Variants in GRHL2 observed in about 807,000 individuals in gnomAD.
GRHL2 encodes grainyhead-like protein 2 homolog.
Under a neutral mutation model 83.8 loss-of-function variants are expected in GRHL2, and 21 were observed. The observed-to-expected ratio is 0.25, with a 90% CI of 0.18 to 0.36. GRHL2 has a LOEUF of 0.36. Among genes scored for constraint, GRHL2 ranks in the 10% least tolerant of loss-of-function variants. GRHL2 has a pLI of 1.00. For missense variants in GRHL2, 623 were observed against 781.8 expected, an observed-to-expected ratio of 0.80 and a Z score of 2.42; for synonymous variants, 280 against 278.9, an observed-to-expected ratio of 1.00 and a Z score of -0.04.
At chr8:101,542,779 G>A (rs1811181354) in intron 1 of GRHL2, 1 of 456,540 alleles carries the variant, frequency 2.2e-6, no homozygotes, top group Admixed American at 2.4e-5. Flanking sequence ...ATCATCTTAT[G>A]GGGAAAGATG....
intron 6 of GRHL2, 41 bp from the exon 7 acceptor site, chr8:101,577,367 C>A: frequency 1.6e-6 from 2 of 1,235,986 alleles, no homozygotes; most frequent in South Asian, 1.2e-5. Flanking sequence ...GCAACAGAGG[C>A]ACTGAACAAA....
chr8:101,602,992 T>C (rs566223215), intron 8 of GRHL2, among the ~76,000 whole-genome samples: 2 of 152,338 alleles, frequency 1.3e-5, no homozygotes, highest in South Asian at 4.1e-4. Flanking sequence ...CACTGATTTG[T>C]GTCCCCACTG....
intron 14 of GRHL2, among the ~76,000 whole-genome samples, chr8:101,655,166 G>A (rs965895872): frequency 7.1e-6 from 1 of 141,480 alleles, no homozygotes; most frequent in Non-Finnish European, 1.5e-5. Context: ...TGGGCAACAA[G>A]AGCGAAACTC....
chr8:101,543,692 T>G, intron 2 of GRHL2: 1 of 500,786 alleles, frequency 2.0e-6, no homozygotes, highest in Non-Finnish European at 3.7e-6. Context: ...ATAAATATTA[T>G]TTGCATATTA....
chr8:101,555,793 T>G (rs946044020), intron 3 of GRHL2, among the ~76,000 whole-genome samples: 3 of 152,232 alleles, frequency 2.0e-5, no homozygotes, highest in African/African-American at 7.2e-5. Context: ...ATTTTTCTAT[T>G]TGCTGTGTTC....
intron 11 of GRHL2, chr8:101,636,691 T>C (rs991048708): frequency 3.4e-6 from 2 of 584,050 alleles, no homozygotes; most frequent in African/African-American, 3.7e-5. Flanking sequence ...CCATGGAGAT[T>C]ATAAGGAACT....
chr8:101,653,773 C>A (rs1198303313), intron 14 of GRHL2, among the ~76,000 whole-genome samples: 2 of 151,970 alleles, frequency 1.3e-5, no homozygotes, highest in African/African-American at 4.8e-5. Context: ...AGATGCCATC[C>A]CAGAACCCCA....
chr8:101,548,228 G>A (rs1811305618), intron 2 of GRHL2, among the ~76,000 whole-genome samples: 1 of 152,148 alleles, frequency 6.6e-6, no homozygotes, highest in Non-Finnish European at 1.5e-5. Flanking sequence ...TGACCTCCCA[G>A]TAATGGGGGT....
rs541380082 is a variant in GRHL2, at chr8:101,647,885, G to C, written c.1613-1529G>C. Among the ~76,000 whole-genome samples, 32 of 152,204 alleles carry C rather than the reference G, an allele frequency of 2.1e-4. 2 individuals are homozygous for C. The highest frequency in any genetic ancestry group is 6.8e-3 in the Middle Eastern group (2 of 294). ...GAAGTCCCCCCAGGATTGGGAGGAG[G>C]GGGAGGAGGGGTGGGAGTTTGGATG... On this transcript the variant is annotated intron_variant, in intron 13 of 15. Transcript: ENST00000646743.
chr8:101,674,708 T>C (rs1814267127), downstream of GRHL2, among the ~76,000 whole-genome samples: 1 of 152,204 alleles, frequency 6.6e-6, no homozygotes, highest in Non-Finnish European at 1.5e-5. Flanking sequence ...ACTCATTTTA[T>C]GAGGCCAGCA....
rs773803090 is a variant in GRHL2 at position 101,558,765 on chromosome 8, A to G, written c.631A>G (p.Thr211Ala). ...SAYLKDDQRS[T>A]PDSTYSESFK... is the part of the protein sequence containing the mutation. ...CTATCTCAAAGACGACCAGCGCAGC[A>G]CTCCGGACAGCACATACAGCGAGAG... Residue 211 changes from threonine to alanine, a missense_variant, in exon 4 of 16, where the codon ACT becomes GCT. Physicochemically the swap from Thr to Ala is moderately conservative, Grantham distance 58. Transcript: ENST00000646743. The G allele has an allele frequency of 6.2e-7, 1 of 1,614,064 alleles. No individual in the cohort carries two copies. The highest frequency in any genetic ancestry group is 8.5e-7 in the Non-Finnish European group (1 of 1,180,006).
At position 101,622,476 on chromosome 8, in the gene GRHL2, C is replaced by T. The variant is rs117438904; in HGVS notation, c.1257+2779C>T. 2.3e-3 allele frequency among the ~76,000 whole-genome samples: 343 copies of T among 152,044 alleles called. 8 individuals are homozygous for T. The East Asian group carries it at 0.057, about 25-fold the overall frequency. ...ATCTAATTCTAAATGATGGTGGAGA[C>T]AGTGTGACAGTATATTCTGACAAGG... On this transcript the variant is annotated intron_variant, in intron 9 of 15. Transcript: ENST00000646743.
the GRHL2 span, among the ~76,000 whole-genome samples, chr8:101,680,355 C>G: frequency 0.2 from 26,146 of 132,690 alleles, 871 homozygotes; most frequent in African/African-American, 0.27. Flanking sequence ...GTAAAGGGAT[C>G]AATTCAACAA....
intron 6 of GRHL2, among the ~76,000 whole-genome samples, chr8:101,576,653 A>G (rs1480145057): frequency 1.3e-5 from 2 of 151,786 alleles, no homozygotes; most frequent in East Asian, 3.9e-4. Flanking sequence ...TTTTTTTTGG[A>G]AGAGGGTTGT....
chr8:101,594,279 G>C (rs1360651906), intron 7 of GRHL2, among the ~76,000 whole-genome samples: 2 of 152,024 alleles, frequency 1.3e-5, no homozygotes, highest in Non-Finnish European at 2.9e-5. Flanking sequence ...CCATGTTTAT[G>C]GTAATTAGTT....
intron 1 of GRHL2, among the ~76,000 whole-genome samples, chr8:101,511,469 T>A (rs1157085783): frequency 6.6e-6 from 1 of 152,136 alleles, no homozygotes; most frequent in Non-Finnish European, 1.5e-5. Context: ...CGCCTCAGGC[T>A]CTCGAGTAGC....
chr8:101,636,253 C>A (rs1813283206), intron 11 of GRHL2, among the ~76,000 whole-genome samples: 1 of 152,194 alleles, frequency 6.6e-6, no homozygotes, highest in Non-Finnish European at 1.5e-5. Context: ...TGCCAACTAC[C>A]TAAAGTCTGT....
At chr8:101,588,707 A>G (rs960523925) in intron 7 of GRHL2, among the ~76,000 whole-genome samples, 4 of 152,200 alleles carry the variant, frequency 2.6e-5, no homozygotes, top group South Asian at 2.1e-4. Flanking sequence ...TGCACTGCCA[A>G]TTACCAAAAA....
At chr8:101,512,123 CT>C (rs1427561393) in intron 1 of GRHL2, among the ~76,000 whole-genome samples, 1 of 150,688 alleles carries the variant, frequency 6.6e-6, no homozygotes, top group African/African-American at 2.4e-5. Context: ...AATTAGTCTA[CT>C]TTAAAAAAAT....
Sources: allele counts gnomAD v4.1 joint callset (sites outside exome capture counted in the v4.1 genomes callset), GRCh38; gene constraint gnomAD v4.1.1; transcripts MANE v1.5; gene names NCBI Gene and HGNC (gene_info 2026-07-23, HGNC 2026-07-21).